Variants in FAM171A1 observed in about 807,000 individuals in gnomAD.
FAM171A1 encodes the protein protein FAM171A1.
A neutral mutation model predicts 74.9 loss-of-function variants in FAM171A1; 23 were observed. The observed-to-expected ratio is 0.31, with a 90% confidence interval of 0.22 to 0.44. The LOEUF (loss-of-function observed/expected upper bound fraction) is 0.44, where lower values mean the gene tolerates loss of function less well. Among genes scored for constraint, FAM171A1 ranks in the 20% least tolerant of loss-of-function variants. FAM171A1 has a pLI of 1.00. For missense variants in FAM171A1, 1,162 were observed against 1,159.2 expected (o/e 1.00, Z -0.03); for synonymous variants, 527 against 505.7 (o/e 1.04, Z -0.57).
chr10:15,252,963 G>A (rs1422042147), intron 4 of FAM171A1, among the ~76,000 whole-genome samples: 1 of 152,120 alleles, frequency 6.6e-6, no homozygotes, highest in Non-Finnish European at 1.5e-5. Flanking sequence ...GCACCATTTT[G>A]TCCGGGAGGC....
intron 1 of FAM171A1, among the ~76,000 whole-genome samples, chr10:15,318,768 C>T (rs934223748): frequency 6.6e-6 from 1 of 152,130 alleles, no homozygotes; most frequent in Non-Finnish European, 1.5e-5. Flanking sequence ...GAGCACAGCA[C>T]CCTAGCCTGG....
intron 5 of FAM171A1, among the ~76,000 whole-genome samples, chr10:15,229,633 CCAT>C (rs1441542264): frequency 1.7e-5 from 2 of 120,836 alleles, no homozygotes; most frequent in Admixed American, 8.3e-5. Flanking sequence ...ACCCCCATCA[CCAT>C]CATCACCATC....
intron 3 of FAM171A1, among the ~76,000 whole-genome samples, chr10:15,268,039 G>A (rs963243586): frequency 2.0e-5 from 3 of 152,164 alleles, no homozygotes; most frequent in East Asian, 1.9e-4. Context: ...TAAAAGCCAC[G>A]TCTGGCAGAA....
intron 1 of FAM171A1, among the ~76,000 whole-genome samples, chr10:15,340,872 G>T (rs538012826): frequency 3.7e-4 from 56 of 152,292 alleles, no homozygotes; most frequent in Middle Eastern, 3.4e-3. Flanking sequence ...TCAGGAGTTT[G>T]ACAATTGAGA....
intron 6 of FAM171A1, among the ~76,000 whole-genome samples, chr10:15,217,279 G>A (rs989559871): frequency 2.6e-5 from 4 of 152,150 alleles, no homozygotes; most frequent in Admixed American, 6.5e-5. Flanking sequence ...ATTGGTGTCC[G>A]AGTTTCCTGG....
At position 15,370,998 on chromosome 10, in the gene FAM171A1, C is replaced by T; in HGVS notation, c.55G>A (p.Ala19Thr). 8.4e-7 allele frequency: 1 copy of T among 1,194,128 alleles called. No individual in the cohort carries two copies. The allele number at this position is 1,194,128 out of a possible 1,614,324, so 74.0% of individuals were successfully genotyped here. The change falls in exon 1 of 8, where the codon GCG (alanine) becomes ACG (threonine). Residue 19 changes from alanine to threonine, a missense_variant. Transcript: ENST00000378116. Reference sequence around the variant, plus strand: ...GGCTCCCGCAGCGTCTTGGTCACCGCCTTCCAGACGTGGCAGCCCAGCAGG... The same window carrying T: ...GGCTCCCGCAGCGTCTTGGTCACCGTCTTCCAGACGTGGCAGCCCAGCAGG... ...LCLLGCHVWK[A>T]VTKTLREPGA...
intron 1 of FAM171A1, among the ~76,000 whole-genome samples, chr10:15,303,168 G>A (rs1588542774): frequency 6.6e-6 from 1 of 151,874 alleles, no homozygotes; most frequent in Admixed American, 6.6e-5. Flanking sequence ...CAGCCTGGGC[G>A]ACAAAAGCAA....
At position 15,285,714 on chromosome 10, in the gene FAM171A1, GA is replaced by G. The variant is rs370717291; in HGVS notation, c.98-1610del. Among the ~76,000 whole-genome samples, 67 of 152,326 alleles carry G rather than the reference GA, an allele frequency of 4.4e-4. 1 individual carries two copies. Among genetic ancestry groups the G allele is most frequent in the African/African-American group, 1.5e-3 (63 of 41,578 alleles). ...ATGCTTTTTGAGCTGCCTCTGATCT[GA>G]AAGACTTGGGATAGGAAGGTGGGGA... is the stretch of plus-strand genomic sequence containing the variant. On this transcript the variant is annotated intron_variant, in intron 1 of 7. Coordinates refer to ENST00000378116, the MANE Select transcript of FAM171A1 (RefSeq NM_001010924.2).
intron 5 of FAM171A1, among the ~76,000 whole-genome samples, chr10:15,231,620 T>C (rs1430894707): frequency 6.6e-6 from 1 of 151,726 alleles, no homozygotes; most frequent in African/African-American, 2.4e-5. Flanking sequence ...GGCAACTCTG[T>C]CAGGCAGAGT....
chr10:15,310,527 C>G (rs1023616890), intron 1 of FAM171A1, among the ~76,000 whole-genome samples: 1 of 152,158 alleles, frequency 6.6e-6, no homozygotes. Flanking sequence ...AATGTTCTCT[C>G]CAACTGACCC....
Position 15,341,900 on chromosome 10 carries a change from G to A in FAM171A1, c.97+29056C>T, listed in dbSNP as rs531635072. ...TCGACTTCCTTCCCTATCTGACCCCGGGCAAACACAGGGCTACGACGGCAG... is the reference window on the plus strand; with the variant it reads ...TCGACTTCCTTCCCTATCTGACCCCAGGCAAACACAGGGCTACGACGGCAG... On this transcript the variant is annotated intron_variant, in intron 1 of 7. Transcript: ENST00000378116. Among the ~76,000 whole-genome samples the A allele has an allele frequency of 9.2e-5, 14 of 152,294 alleles. 1 individual carries two copies. In the South Asian group the frequency reaches 2.5e-3, roughly 27 times the overall value.
At chr10:15,359,199 A>C (rs757730846) in intron 1 of FAM171A1, among the ~76,000 whole-genome samples, 19 of 152,242 alleles carry the variant, frequency 1.2e-4, no homozygotes, top group Non-Finnish European at 2.6e-4. Context: ...TTTAACATTA[A>C]GTAGAGCAGA....
intron 3 of FAM171A1, among the ~76,000 whole-genome samples, chr10:15,268,831 C>A (rs559995573): frequency 1.4e-4 from 21 of 152,294 alleles, no homozygotes; most frequent in Non-Finnish European, 1.6e-4. Context: ...CACCTGAGGT[C>A]AGGAGTTTGA....
intron 1 of FAM171A1, among the ~76,000 whole-genome samples, chr10:15,351,274 T>C (rs1030869089): frequency 6.6e-6 from 1 of 152,148 alleles, no homozygotes; most frequent in African/African-American, 2.4e-5. Context: ...GAAGAGTCCC[T>C]GCGCAGGAAT....
intron 3 of FAM171A1, among the ~76,000 whole-genome samples, chr10:15,264,396 G>A (rs1466945898): frequency 1.3e-5 from 2 of 152,002 alleles, no homozygotes; most frequent in Admixed American, 6.6e-5. Context: ...GAGCAGGCAA[G>A]AATTTATTTT....
chr10:15,286,618 A>G (rs1835038249), intron 1 of FAM171A1, among the ~76,000 whole-genome samples: 1 of 152,118 alleles, frequency 6.6e-6, no homozygotes, highest in Admixed American at 6.5e-5. Context: ...GCTCTATCCT[A>G]CACTGGGGCA....
intron 3 of FAM171A1, among the ~76,000 whole-genome samples, chr10:15,268,211 C>T (rs1189957091): frequency 1.3e-5 from 2 of 152,092 alleles, no homozygotes; most frequent in African/African-American, 4.8e-5. Context: ...GATTTTATTC[C>T]AAGTACAATG....
chr10:15,324,299 G>A (rs780906508), intron 1 of FAM171A1, among the ~76,000 whole-genome samples: 32 of 152,040 alleles, frequency 2.1e-4, no homozygotes, highest in Non-Finnish European at 3.7e-4. Context: ...AGAAGTCCAC[G>A]CTCAGCAGGG....
chr10:15,220,823 A>C, intron 6 of FAM171A1, 121 bp downstream of exon 6: 1 of 747,620 alleles, frequency 1.3e-6, no homozygotes, highest in Non-Finnish European at 2.2e-6. Flanking sequence ...TCAGACTTTT[A>C]ACCATTTTTG....
Sources: allele counts gnomAD v4.1 joint callset (sites outside exome capture counted in the v4.1 genomes callset), GRCh38; gene constraint gnomAD v4.1.1; transcripts MANE v1.5; gene names NCBI Gene and HGNC (gene_info 2026-07-23, HGNC 2026-07-21).